Variants in LRSAM1 observed in about 807,000 individuals in gnomAD.
The protein encoded by LRSAM1 is E3 ubiquitin-protein ligase LRSAM1.
In LRSAM1, 96 loss-of-function variants were observed where a neutral mutation model predicts 118.1. That is an observed-to-expected ratio of 0.81 (90% CI 0.69 to 0.96). The LOEUF (loss-of-function observed/expected upper bound fraction) is 0.96. Among genes scored for constraint, LRSAM1 ranks in the 40% least tolerant of loss-of-function variants. The probability of loss-of-function intolerance (pLI) is 0.00; values close to 1 mark genes in which losing one functional copy is unlikely to be tolerated. For missense variants in LRSAM1, 804 were observed against 915.5 expected (o/e 0.88, Z 1.57); for synonymous variants, 322 against 364.2 (o/e 0.88, Z 1.32).
At chr9:127,475,994 C>A (rs1288281657) in intron 11 of LRSAM1, among the ~76,000 whole-genome samples, 1 of 152,190 alleles carries the variant, frequency 6.6e-6, no homozygotes, top group Non-Finnish European at 1.5e-5. Context: ...CCCACCTCGG[C>A]CTCCCAAAGT....
At chr9:127,478,566 G>T in intron 11 of LRSAM1, among the ~76,000 whole-genome samples, 1 of 152,200 alleles carries the variant, frequency 6.6e-6, no homozygotes, top group Non-Finnish European at 1.5e-5. Flanking sequence ...TATTTTGGTG[G>T]ACTGGAACCG....
intron 14 of LRSAM1, 31 bp from the exon 15 acceptor site, chr9:127,481,152 C>T: frequency 6.2e-7 from 1 of 1,613,614 alleles, no homozygotes; most frequent in Non-Finnish European, 8.5e-7. Flanking sequence ...CTGCTGGTGA[C>T]TGCCAGGACC....
intron 10 of LRSAM1, among the ~76,000 whole-genome samples, chr9:127,468,670 G>A (rs1333197047): frequency 6.6e-6 from 1 of 152,128 alleles, no homozygotes; most frequent in African/African-American, 2.4e-5. Context: ...CATGATAAAA[G>A]ATTGGTACCT....
Position 127,473,842 on chromosome 9 carries a change from C to G in LRSAM1, c.661C>G (p.Pro221Ala), listed in dbSNP as rs186724786. The G allele has an allele frequency of 1.2e-6, 2 of 1,614,220 alleles. No homozygotes were observed. The highest frequency in any genetic ancestry group is 2.7e-5 in the African/African-American group (2 of 75,056). The change falls in exon 11 of 26, where the codon CCA (proline) becomes GCA (alanine). Residue 221 changes from proline to alanine, a missense_variant. By Grantham distance (27) the Pro-to-Ala change is conservative. Transcript: ENST00000300417. ...CTACCCCCCTTCTCAGTACTTGCTG[C>G]CAATTCTGGAGCAAGATGGAATCGA... ...EYYPPSQYLL[P>A]ILEQDGIENS...
chr9:127,499,669 G>A (rs927565795), intron 24 of LRSAM1, among the ~76,000 whole-genome samples: 5 of 152,030 alleles, frequency 3.3e-5, no homozygotes, highest in Admixed American at 6.6e-5. Context: ...GGTGCCTCAC[G>A]CCTGTAATCC....
At position 127,502,767 on chromosome 9, in the gene LRSAM1, T is replaced by TC; in HGVS notation, c.2047-3dup. ...GCCAGCCACATGCTCCCGCTCTCCC[T>TC]CCCCAGGCCCAGATGATCTTCCTCA... On this transcript the variant is annotated splice_polypyrimidine_tract_variant and splice_region_variant and intron_variant, in intron 25 of 25. Transcript: ENST00000300417. 1 of 1,485,354 alleles carries TC rather than the reference T, an allele frequency of 6.7e-7. No individual in the cohort carries two copies. The highest frequency in any genetic ancestry group is 1.8e-5 in the Admixed American group (1 of 55,688). The allele number at this position is 1,485,354 out of a possible 1,614,324, so 92.0% of individuals were successfully genotyped here.
chr9:127,485,977 C>T (rs1835715614), intron 17 of LRSAM1, 142 bp downstream of exon 17: 1 of 730,626 alleles, frequency 1.4e-6, no homozygotes, highest in South Asian at 1.6e-5. Flanking sequence ...CAAGTGATGG[C>T]TGCTCTTCCT....
intron 10 of LRSAM1, among the ~76,000 whole-genome samples, chr9:127,472,319 G>A (rs910352821): frequency 2.0e-5 from 3 of 151,726 alleles, no homozygotes; most frequent in South Asian, 4.2e-4. Flanking sequence ...ATATATGTGT[G>A]TGTAAAATTT....
At position 127,496,073 on chromosome 9, in the gene LRSAM1, T is replaced by G; in HGVS notation, c.1808T>G (p.Met603Arg). The G allele has an allele frequency of 6.2e-7, 1 of 1,611,080 alleles. No homozygotes were observed. The highest frequency in any genetic ancestry group is 1.1e-5 in the South Asian group (1 of 91,070). The change falls in exon 23 of 26, where the codon ATG becomes AGG. Residue 603 changes from methionine (M) to arginine (R), a missense_variant. By Grantham distance (91) the Met-to-Arg change is moderately conservative (BLOSUM62 -1). Coordinates refer to ENST00000300417, the MANE Select transcript of LRSAM1 (RefSeq NM_001005373.4). ...CTCTCACTGGACCTGCTGAGCCAAA[T>G]GAGCCCAGGGGACCTGGCCAAGGTG... ...HRLSLDLLSQ[M>R]SPGDLAKVGV...
chr9:127,469,331 A>C (rs913990191), intron 10 of LRSAM1, among the ~76,000 whole-genome samples: 3 of 152,102 alleles, frequency 2.0e-5, no homozygotes, highest in Non-Finnish European at 4.4e-5. Context: ...CTAACTGGGC[A>C]TGGTGGCAGG....
At chr9:127,457,968 C>CT (rs147717838) in intron 6 of LRSAM1, among the ~76,000 whole-genome samples, 68,358 of 144,724 alleles carry the variant, frequency 0.47, 16,357 homozygotes, top group African/African-American at 0.52. Flanking sequence ...TGCTTTCTTT[C>CT]TTTTTTTTTT....
At chr9:127,474,593 C>T (rs1394530529) in intron 11 of LRSAM1, among the ~76,000 whole-genome samples, 1 of 152,240 alleles carries the variant, frequency 6.6e-6, no homozygotes, top group Non-Finnish European at 1.5e-5. Flanking sequence ...TGTCTCATGT[C>T]TGTCTCCCCT....
chr9:127,466,530 TCC>T lies in LRSAM1; in HGVS notation c.529-1209_529-1208del, dbSNP rs1564258886. Among the ~76,000 whole-genome samples the T allele has an allele frequency of 1.3e-4, 11 of 84,172 alleles. 2 individuals carry two copies. Among genetic ancestry groups the T allele is most frequent in the Non-Finnish European group, 1.9e-4 (9 of 48,390 alleles). 55.2% of individuals were successfully genotyped at this position (84,172 alleles called of 152,430 possible). A position where few individuals can be genotyped will look rare whatever the true frequency, so the allele number is the denominator to read the frequency against. ...TTTTTTTTTTTTTTTTTTTTTTTTT[TCC>T]ACTAGAGATGGGGTCTCGCTATGTT... On this transcript the variant is annotated intron_variant, in intron 9 of 25. Coordinates refer to ENST00000300417, the MANE Select transcript of LRSAM1 (RefSeq NM_001005373.4).
intron 9 of LRSAM1, among the ~76,000 whole-genome samples, chr9:127,463,198 CAAAAAAA>C (rs35181083): frequency 9.1e-5 from 9 of 98,758 alleles, no homozygotes; most frequent in Non-Finnish European, 1.2e-4. Flanking sequence ...GACTTTGTCT[CAAAAAAA>C]AAAAAAAAAA....
At position 127,501,430 on chromosome 9, in the gene LRSAM1, G is replaced by A. The variant is rs150095513; in HGVS notation, c.2046+287G>A. Among the ~76,000 whole-genome samples, 18 of 152,082 alleles carry A rather than the reference G, an allele frequency of 1.2e-4. No homozygotes were observed. In the East Asian group the frequency reaches 3.5e-3, roughly 29 times the overall value. On this transcript the variant is annotated intron_variant, in intron 25 of 25. Transcript: ENST00000300417. Reference sequence around the variant, plus strand: ...CAACAACATGATTTACCCTGCAGAGGCTTTAGAAAATCATCTTTTGGCCAG... The same window carrying A: ...CAACAACATGATTTACCCTGCAGAGACTTTAGAAAATCATCTTTTGGCCAG...
rs185427720 is a variant in LRSAM1, at chr9:127,481,711, T to C, written c.1088+484T>C. Among the ~76,000 whole-genome samples the C allele has an allele frequency of 3.5e-4, 54 of 152,282 alleles. No homozygotes were observed. In the East Asian group the frequency reaches 6.0e-3, roughly 17 times the overall value. The stretch of plus-strand genomic sequence containing the variant: ...AACATACGTACACTCCTGAAAAACA[T>C]TCAGAGACATGAATAAGGCTAGATA... On this transcript the variant is annotated intron_variant, in intron 15 of 25. Coordinates refer to ENST00000300417, the MANE Select transcript of LRSAM1 (RefSeq NM_001005373.4).
In LRSAM1 at chr9:127,462,353, G is replaced by T. The variant is rs1179351991; in HGVS notation, c.508G>T (p.Ala170Ser). ...NEIQRLPQML[A>S]HVRTLEMLSL... ...GATCCAGAGATTGCCGCAGATGCTG[G>T]CTCACGTTCGAACCCTGGAGGTAAA... The change falls in exon 9 of 26, where the codon GCT becomes TCT. Residue 170 changes from alanine to serine, a missense_variant. Ala to Ser is a moderately conservative substitution (Grantham distance 99). Coordinates refer to ENST00000300417, the MANE Select transcript of LRSAM1 (RefSeq NM_001005373.4). 1 of 1,613,972 alleles carries T rather than the reference G, an allele frequency of 6.2e-7. No individual in the cohort carries two copies. The highest frequency in any genetic ancestry group is 2.2e-5 in the East Asian group (1 of 44,866).
chr9:127,462,813 C>G (rs1834797600), intron 9 of LRSAM1, among the ~76,000 whole-genome samples: 1 of 148,262 alleles, frequency 6.7e-6, no homozygotes, highest in Non-Finnish European at 1.5e-5. Context: ...ACGTGCTGCA[C>G]ATGTACTCCT....
chr9:127,457,157 A>G (rs962510714), intron 5 of LRSAM1, among the ~76,000 whole-genome samples, 159 bp from the exon 6 acceptor site: 1 of 152,212 alleles, frequency 6.6e-6, no homozygotes, highest in Non-Finnish European at 1.5e-5. Flanking sequence ...TAGATTCCCC[A>G]TTGGGAGAGT....
Sources: gnomAD v4.1 joint callset for allele counts (sites outside exome capture counted in the v4.1 genomes callset) on GRCh38, gnomAD v4.1.1 for gene constraint, MANE v1.5 for transcripts, NCBI Gene and HGNC (gene_info 2026-07-23, HGNC 2026-07-21) for gene names.